The following NEXMIF variants were observed in gnomAD, a reference collection of about 807,000 sequenced individuals.
NEXMIF encodes XLMR protein related to neurite extension.
A neutral mutation model predicts 62.1 loss-of-function variants in NEXMIF; 8 were observed. The observed-to-expected ratio is 0.13, with a 90% CI of 0.08 to 0.23. NEXMIF has a LOEUF of 0.23. Among genes scored for constraint, NEXMIF ranks in the 10% least tolerant of loss-of-function variants. The pLI is 1.00. For synonymous variants in NEXMIF, 404 were observed against 416.6 expected (o/e 0.97, Z 0.37); for missense variants, 976 against 1,113.3 (o/e 0.88, Z 1.75).
intron 1 of NEXMIF, among the ~76,000 whole-genome samples, chrX:74,750,775 A>C (rs1300844113): frequency 8.9e-6 from 1 of 111,881 alleles, no homozygotes; most frequent in South Asian, 3.7e-4. Context: ...GATGTTAAGT[A>C]CAGGAAACAT....
At chrX:74,887,138 C>G (rs1234127703) in intron 1 of NEXMIF, among the ~76,000 whole-genome samples, 3 of 112,234 alleles carry the variant, frequency 2.7e-5, no homozygotes, top group Non-Finnish European at 5.6e-5. Flanking sequence ...ACACCTTATA[C>G]AAAAATTAAT....
In NEXMIF at chrX:74,744,539, C is replaced by A. The variant is rs1173895186; in HGVS notation, c.80-62G>T. The A allele has an allele frequency of 4.9e-6, 4 of 818,592 alleles. No individual in the cohort carries two copies. The African/African-American group carries it at 8.3e-5, about 17-fold the overall frequency. The allele number at this position is 818,592 out of a possible 1,213,427, so 67.5% of individuals were successfully genotyped here. On this transcript the variant is annotated intron_variant, in intron 2 of 3. Transcript: ENST00000055682. ...AAGAGTCTTAGACCAGACTCATTAA[C>A]TCTCTTTCCCTTGATCAGTTTCTGG...
chrX:74,766,237 C>T (rs1334534232), intron 1 of NEXMIF, among the ~76,000 whole-genome samples: 3 of 110,740 alleles, frequency 2.7e-5, no homozygotes, highest in Non-Finnish European at 5.7e-5. Flanking sequence ...TGTGTTGAAT[C>T]TTGCAGGGAT....
chrX:74,896,004 C>T (rs1317815302), intron 1 of NEXMIF, among the ~76,000 whole-genome samples: 2 of 111,104 alleles, frequency 1.8e-5, no homozygotes, highest in Non-Finnish European at 3.8e-5. Flanking sequence ...GGCAAAGAAA[C>T]AAAGTACCTA....
At chrX:74,798,730 T>C (rs1055797838) in intron 1 of NEXMIF, among the ~76,000 whole-genome samples, 1 of 111,556 alleles carries the variant, frequency 9.0e-6, no homozygotes, top group Admixed American at 9.6e-5. Context: ...ATGTCTTCTA[T>C]TAACATATCC....
intron 1 of NEXMIF, among the ~76,000 whole-genome samples, chrX:74,887,523 T>G (rs1327658997): frequency 1.3e-4 from 15 of 112,306 alleles, no homozygotes; most frequent in East Asian, 2.8e-4. Context: ...AGACATTTAT[T>G]CAGCCAAAAA....
chrX:74,901,983 G>A (rs1016028699), intron 1 of NEXMIF, among the ~76,000 whole-genome samples: 52 of 110,888 alleles, frequency 4.7e-4, no homozygotes, highest in Non-Finnish European at 5.8e-4. Flanking sequence ...CAGAAATGTC[G>A]TAGGGGAAAC....
intron 1 of NEXMIF, among the ~76,000 whole-genome samples, chrX:74,838,001 C>T (rs1204471770): frequency 9.0e-6 from 1 of 111,532 alleles, no homozygotes. Flanking sequence ...AAAAGAAGAA[C>T]ATAGTGCCCA....
chrX:74,886,813 T>C (rs6647560), intron 1 of NEXMIF, among the ~76,000 whole-genome samples: 1 of 104,239 alleles, frequency 9.6e-6, no homozygotes, highest in South Asian at 4.3e-4. Context: ...AAAGTTCATA[T>C]GGAACCAAAA....
In NEXMIF at chrX:74,908,485, C is replaced by G. The variant is rs746879222; in HGVS notation, c.-48+16398G>C. On this transcript the variant is annotated intron_variant, in intron 1 of 3. Coordinates refer to ENST00000055682, the MANE Select transcript of NEXMIF (RefSeq NM_001008537.3). ...GAAAATCAAAGGGAAGAGATTAATT[C>G]ACTTACCTGCTTTTCAACTTTCAGT... 1.8e-4 allele frequency among the ~76,000 whole-genome samples: 20 copies of G among 112,476 alleles called. No individual in the cohort carries two copies. In the South Asian group the frequency reaches 7.4e-3, roughly 41 times the overall value.
At chrX:74,899,689 C>G (rs2080743240) in intron 1 of NEXMIF, among the ~76,000 whole-genome samples, 1 of 111,476 alleles carries the variant, frequency 9.0e-6, no homozygotes, top group East Asian at 2.8e-4. Context: ...CAATCCCTAC[C>G]AAAATTCTGA....
intron 1 of NEXMIF, among the ~76,000 whole-genome samples, chrX:74,809,309 T>C (rs1224646570): frequency 1.8e-5 from 2 of 112,152 alleles, no homozygotes. Flanking sequence ...AAAGTCATAA[T>C]GCAATTAAAA....
At chrX:74,799,249 A>T (rs778665884) in intron 1 of NEXMIF, among the ~76,000 whole-genome samples, 7 of 110,977 alleles carry the variant, frequency 6.3e-5, no homozygotes, top group Non-Finnish European at 1.3e-4. Flanking sequence ...TTGGATTTCA[A>T]TTGTTATCTG....
intron 1 of NEXMIF, among the ~76,000 whole-genome samples, chrX:74,782,519 G>A (rs969165380): frequency 9.1e-6 from 1 of 110,332 alleles, no homozygotes; most frequent in African/African-American, 3.3e-5. Flanking sequence ...TTCATATAAG[G>A]CCTTCTGTAT....
intron 1 of NEXMIF, among the ~76,000 whole-genome samples, chrX:74,869,357 G>A (rs2080592011): frequency 9.0e-6 from 1 of 111,653 alleles, no homozygotes; most frequent in Non-Finnish European, 1.9e-5. Flanking sequence ...CAGACCAAAA[G>A]TTAGTATCAT....
chrX:74,863,536 T>C (rs1443531561), intron 1 of NEXMIF, among the ~76,000 whole-genome samples: 2 of 111,414 alleles, frequency 1.8e-5, no homozygotes, highest in Non-Finnish European at 3.8e-5. Context: ...ACAAAATGGA[T>C]AAAATCCTGG....
intron 1 of NEXMIF, among the ~76,000 whole-genome samples, chrX:74,769,317 C>A (rs952945300): frequency 9.0e-6 from 1 of 111,719 alleles, no homozygotes; most frequent in African/African-American, 3.3e-5. Flanking sequence ...AAATGACACT[C>A]TACTTGTCTG....
chrX:74,837,276 G>GT (rs772532034), intron 1 of NEXMIF, among the ~76,000 whole-genome samples: 9 of 111,560 alleles, frequency 8.1e-5, no homozygotes, highest in South Asian at 3.8e-4. Context: ...CCTGATTTTT[G>GT]TTTTTTTGTG....
At chrX:74,751,100 C>T (rs748250523) in intron 1 of NEXMIF, among the ~76,000 whole-genome samples, 1 of 110,965 alleles carries the variant, frequency 9.0e-6, no homozygotes, top group South Asian at 3.9e-4. Flanking sequence ...CATGGTGGCA[C>T]GTGCCTGTAG....
Sources: gnomAD v4.1 joint callset for allele counts (sites outside exome capture counted in the v4.1 genomes callset) on GRCh38, gnomAD v4.1.1 for gene constraint, MANE v1.5 for transcripts, NCBI Gene and HGNC (gene_info 2026-07-23, HGNC 2026-07-21) for gene names.